SP4: variants seen among roughly 807,000 people sequenced by gnomAD.
The protein encoded by SP4 is transcription factor Sp4.
In SP4, 19 loss-of-function variants were observed where a neutral mutation model predicts 72.8. That is an observed-to-expected ratio of 0.26 (90% CI 0.18 to 0.38). SP4 has a LOEUF of 0.38. SP4 is among the 10% of genes least tolerant of loss of function. The probability of loss-of-function intolerance (pLI) is 1.00; values close to 1 mark genes in which losing one functional copy is unlikely to be tolerated. For missense variants in SP4, 1,008 were observed against 926.3 expected (o/e 1.09, Z -1.14); for synonymous variants, 395 against 333.1 (o/e 1.19, Z -2.02).
intron 3 of SP4, among the ~76,000 whole-genome samples, chr7:21,431,724 C>G (rs946471734): frequency 2.0e-4 from 30 of 152,054 alleles, no homozygotes; most frequent in African/African-American, 7.0e-4. Context: ...CTTTTGTTTT[C>G]TAGTAATTAA....
chr7:21,452,407 A>G (rs1783627681), intron 3 of SP4, among the ~76,000 whole-genome samples: 1 of 152,216 alleles, frequency 6.6e-6, no homozygotes, highest in African/African-American at 2.4e-5. Context: ...ACCTGTATGA[A>G]TTGGACAAAT....
intron 4 of SP4, among the ~76,000 whole-genome samples, chr7:21,479,944 C>A (rs1784631141): frequency 6.6e-6 from 1 of 151,746 alleles, no homozygotes; most frequent in Non-Finnish European, 1.5e-5. Context: ...AATCTTTTAT[C>A]CTGCAACTTT....
chr7:21,464,441 G>A (rs1784101992), intron 3 of SP4, among the ~76,000 whole-genome samples: 1 of 152,100 alleles, frequency 6.6e-6, no homozygotes, highest in African/African-American at 2.4e-5. Flanking sequence ...AGGTAAAATA[G>A]CTTCTTTCCT....
intron 5 of SP4, among the ~76,000 whole-genome samples, chr7:21,488,179 ATTT>A (rs1784872717): frequency 6.6e-6 from 1 of 152,094 alleles, no homozygotes; most frequent in African/African-American, 2.4e-5. Flanking sequence ...AGTGGCTTTT[ATTT>A]TAGGTAACTG....
At chr7:21,490,419 A>G (rs1035449606) in intron 5 of SP4, among the ~76,000 whole-genome samples, 1 of 152,214 alleles carries the variant, frequency 6.6e-6, no homozygotes, top group East Asian at 1.9e-4. Context: ...GAAAATACCC[A>G]TATCTCTGGC....
chr7:21,502,038 G>GCCCCC (rs1355848042), intron 5 of SP4, among the ~76,000 whole-genome samples: 3 of 89,456 alleles, frequency 3.4e-5, no homozygotes, highest in East Asian at 8.6e-4. Context: ...AATTCATTAG[G>GCCCCC]CACCCCCCCC....
intron 5 of SP4, among the ~76,000 whole-genome samples, chr7:21,489,567 T>C (rs1188677318): frequency 2.1e-5 from 3 of 142,652 alleles, no homozygotes; most frequent in East Asian, 2.0e-4. Context: ...TTTTTTTTTT[T>C]TTTTTTTTTT....
intron 3 of SP4, among the ~76,000 whole-genome samples, chr7:21,465,929 C>T (rs960399707): frequency 2.6e-5 from 4 of 152,140 alleles, no homozygotes; most frequent in Admixed American, 6.5e-5. Flanking sequence ...TTAGCCCCCT[C>T]ACCTCCTTGA....
intron 3 of SP4, among the ~76,000 whole-genome samples, chr7:21,465,905 T>A (rs10250403): frequency 0.022 from 3,281 of 152,220 alleles, 124 homozygotes; most frequent in African/African-American, 0.074. Context: ...TGATCTATCC[T>A]TCCAACCCTA....
chr7:21,479,948 C>A (rs952209268), intron 4 of SP4, among the ~76,000 whole-genome samples: 25 of 151,654 alleles, frequency 1.6e-4, no homozygotes, highest in African/African-American at 5.6e-4. Context: ...TTTTATCCTG[C>A]AACTTTTGCT....
rs547664354 is a variant in SP4, at chr7:21,476,013, G to GT, written c.1679-1065dup. 1.6e-3 allele frequency among the ~76,000 whole-genome samples: 249 copies of GT among 152,252 alleles called. 1 individual carries two copies. The highest frequency in any genetic ancestry group is 5.7e-3 in the African/African-American group (236 of 41,546). On this transcript the variant is annotated intron_variant, in intron 3 of 5. Transcript: ENST00000222584. The stretch of plus-strand genomic sequence containing the variant: ...AGGCCGGGCACGGTGGCTCACACCT[G>GT]TAATTCCAGCACTTTGGGAGGCCAA...
In SP4 at chr7:21,477,198, C is replaced by G. The variant is rs1278465763; in HGVS notation, c.1798C>G (p.Gln600Glu). The change falls in exon 4 of 6, where the codon CAA becomes GAA. Residue 600 changes from glutamine (Q) to glutamate (E), a missense_variant. By Grantham distance (29) the Gln-to-Glu change is conservative. Transcript: ENST00000222584. ...TGCTGTTAGTCCTGACCAACTCACA[C>G]AAGTGCATTTGCAGCAAGGCCAGCA... ...IGAVSPDQLTQVHLQQGQQTS... is the reference protein window; with the variant it reads ...IGAVSPDQLTEVHLQQGQQTS... The G allele has an allele frequency of 4.3e-6, 7 of 1,614,030 alleles. No homozygotes were observed. In the Admixed American group the frequency reaches 8.3e-5, roughly 19 times the overall value.
At chr7:21,472,006 T>G (rs1784359279) in intron 3 of SP4, among the ~76,000 whole-genome samples, 1 of 152,016 alleles carries the variant, frequency 6.6e-6, no homozygotes, top group African/African-American at 2.4e-5. Flanking sequence ...ATTTTCTATT[T>G]GAATGGTGAA....
intron 4 of SP4, among the ~76,000 whole-genome samples, chr7:21,477,988 A>C (rs1488789014): frequency 6.6e-6 from 1 of 152,106 alleles, no homozygotes; most frequent in Non-Finnish European, 1.5e-5. Flanking sequence ...TCAATTTTAG[A>C]GTGTTTTCAT....
Position 21,477,275 on chromosome 7 carries a change from T to C in SP4, c.1875T>C (p.Cys625=). Residue 625 remains cysteine, a synonymous_variant, in exon 4 of 6, where the codon TGT becomes TGC. Transcript: ENST00000222584. ...QPGKRLRRVA[C]SCPNCREGEG... The stretch of plus-strand genomic sequence containing the variant: ...GCAAGAGGCTTCGAAGAGTTGCCTG[T>C]TCCTGTCCTAATTGTAGGGAAGGAG... 1 of 1,613,690 alleles carries C rather than the reference T, an allele frequency of 6.2e-7. No individual in the cohort carries two copies. Among genetic ancestry groups the C allele is most frequent in the Non-Finnish European group, 8.5e-7 (1 of 1,179,616 alleles).
chr7:21,460,623 G>C (rs1022639090), intron 3 of SP4, among the ~76,000 whole-genome samples: 4 of 152,174 alleles, frequency 2.6e-5, no homozygotes, highest in African/African-American at 9.7e-5. Context: ...ACATCCTGCT[G>C]ATTGGCCCAT....
At chr7:21,497,213 A>G (rs368565895) in intron 5 of SP4, among the ~76,000 whole-genome samples, 11 of 152,218 alleles carry the variant, frequency 7.2e-5, no homozygotes, top group East Asian at 3.8e-4. Flanking sequence ...TGACAGTTTT[A>G]TAAGTGGAGT....
At chr7:21,463,521 C>T (rs140646163) in intron 3 of SP4, among the ~76,000 whole-genome samples, 337 of 152,244 alleles carry the variant, frequency 2.2e-3, no homozygotes, top group African/African-American at 7.7e-3. Flanking sequence ...GGGATTACCA[C>T]GGATGCTAAG....
intron 3 of SP4, among the ~76,000 whole-genome samples, chr7:21,450,980 G>T (rs968068497): frequency 6.6e-6 from 1 of 152,204 alleles, no homozygotes; most frequent in African/African-American, 2.4e-5. Context: ...TGTGTGGTTT[G>T]ACCTTTGACT....
Sources: gnomAD v4.1 joint callset for allele counts (sites outside exome capture counted in the v4.1 genomes callset) on GRCh38, gnomAD v4.1.1 for gene constraint, MANE v1.5 for transcripts, NCBI Gene and HGNC (gene_info 2026-07-23, HGNC 2026-07-21) for gene names.